Variants in GPR176 observed in about 807,000 individuals in gnomAD.
GPR176 encodes G protein-coupled receptor 176, also known as G-protein coupled receptor 176.
In GPR176, 26 loss-of-function variants were observed where a neutral mutation model predicts 35.4. The ratio of observed to expected loss-of-function variants is 0.74; its 90% CI spans 0.54 to 1.02. The LOEUF (loss-of-function observed/expected upper bound fraction) is 1.02, where lower values mean the gene tolerates loss of function less well. Ranked by LOEUF, GPR176 falls within the 50% of genes least tolerant of loss-of-function variation. GPR176 has a pLI of 0.00. For missense variants in GPR176, 597 were observed against 665.3 expected (o/e 0.90, Z 1.13); for synonymous variants, 278 against 271.3 (o/e 1.02, Z -0.24).
chr15:39,828,843 G>A (rs533697833), intron 1 of GPR176, among the ~76,000 whole-genome samples: 1 of 152,300 alleles, frequency 6.6e-6, no homozygotes, highest in Non-Finnish European at 1.5e-5. Context: ...TTACAGTACA[G>A]CAAAACTGTC....
chr15:39,870,250 T>G (rs1294227029), intron 1 of GPR176, among the ~76,000 whole-genome samples: 1 of 152,018 alleles, frequency 6.6e-6, no homozygotes, highest in East Asian at 1.9e-4. Context: ...TCCAGGAAAA[T>G]CTCCCATCTC....
At chr15:39,879,759 A>G (rs2032400966) in intron 1 of GPR176, among the ~76,000 whole-genome samples, 1 of 151,644 alleles carries the variant, frequency 6.6e-6, no homozygotes, top group African/African-American at 2.4e-5. Flanking sequence ...TTCCTCACTC[A>G]CTCCCTATTT....
chr15:39,887,620 T>C (rs2140855365), intron 1 of GPR176, among the ~76,000 whole-genome samples: 1 of 148,856 alleles, frequency 6.7e-6, no homozygotes, highest in South Asian at 2.1e-4. Flanking sequence ...AAAAAAAAGC[T>C]TGTCTCCTTT....
intron 1 of GPR176, among the ~76,000 whole-genome samples, chr15:39,833,590 C>T (rs538068757): frequency 2.6e-5 from 4 of 152,184 alleles, no homozygotes; most frequent in South Asian, 2.1e-4. Flanking sequence ...GTAATGGTTA[C>T]ACAACTTTGT....
chr15:39,807,834 C>A (rs750658049), intron 1 of GPR176, among the ~76,000 whole-genome samples: 6 of 152,158 alleles, frequency 3.9e-5, no homozygotes, highest in Non-Finnish European at 8.8e-5. Flanking sequence ...ATGCAATGTG[C>A]ATTTTATTTT....
intron 1 of GPR176, among the ~76,000 whole-genome samples, chr15:39,848,206 C>CA (rs929353794): frequency 7.9e-5 from 12 of 151,846 alleles, no homozygotes; most frequent in African/African-American, 2.7e-4. Flanking sequence ...GACTTCAGAA[C>CA]AAAGAAAATT....
chr15:39,806,326 C>G (rs563013747), intron 2 of GPR176, among the ~76,000 whole-genome samples: 4 of 152,284 alleles, frequency 2.6e-5, no homozygotes, highest in Admixed American at 2.6e-4. Context: ...AAAATATTAT[C>G]TAAACTGTAT....
At chr15:39,836,915 T>G (rs539642475) in intron 1 of GPR176, among the ~76,000 whole-genome samples, 2 of 152,246 alleles carry the variant, frequency 1.3e-5, no homozygotes, top group East Asian at 3.9e-4. Flanking sequence ...TTCAACTACA[T>G]CAATGTGTTC....
intron 1 of GPR176, among the ~76,000 whole-genome samples, chr15:39,897,331 G>A (rs1463198171): frequency 6.6e-6 from 1 of 152,192 alleles, no homozygotes; most frequent in Admixed American, 6.5e-5. Flanking sequence ...AACTGTTCCT[G>A]AAAGCAAGGG....
intron 1 of GPR176, among the ~76,000 whole-genome samples, chr15:39,833,555 A>G (rs1349675738): frequency 6.6e-6 from 1 of 152,184 alleles, no homozygotes; most frequent in Non-Finnish European, 1.5e-5. Context: ...TTCTGGAGTT[A>G]TGAAAACATC....
intron 1 of GPR176, among the ~76,000 whole-genome samples, chr15:39,897,447 T>C (rs771722865): frequency 6.6e-6 from 1 of 152,188 alleles, no homozygotes; most frequent in East Asian, 1.9e-4. Flanking sequence ...AACACACACA[T>C]TAAGGCCACT....
At chr15:39,834,077 C>T (rs1416664255) in intron 1 of GPR176, among the ~76,000 whole-genome samples, 1 of 152,164 alleles carries the variant, frequency 6.6e-6, no homozygotes, top group Non-Finnish European at 1.5e-5. Flanking sequence ...TAAGTGCATT[C>T]TATGTTTCCT....
At chr15:39,851,573 G>C (rs1039344242) in intron 1 of GPR176, among the ~76,000 whole-genome samples, 34 of 152,094 alleles carry the variant, frequency 2.2e-4, no homozygotes, top group African/African-American at 8.0e-4. Context: ...ACATGATGAG[G>C]GTCTGGCGCT....
intron 1 of GPR176, among the ~76,000 whole-genome samples, chr15:39,835,485 A>G (rs1901340949): frequency 1.3e-5 from 2 of 151,916 alleles, no homozygotes; most frequent in Admixed American, 1.3e-4. Context: ...AAAATCCAAG[A>G]GATAGTCCAG....
intron 1 of GPR176, among the ~76,000 whole-genome samples, chr15:39,893,981 G>A (rs1415663632): frequency 1.9e-5 from 2 of 105,724 alleles, no homozygotes; most frequent in African/African-American, 3.8e-5. Context: ...CCTCCCTCCC[G>A]GATGGGGCGG....
At chr15:39,857,116 G>A (rs1266384009) in intron 1 of GPR176, among the ~76,000 whole-genome samples, 1 of 152,178 alleles carries the variant, frequency 6.6e-6, no homozygotes, top group African/African-American at 2.4e-5. Flanking sequence ...AGCAGCATAT[G>A]CAAGTAAGCA....
chr15:39,891,506 A>G (rs2032871473), intron 1 of GPR176, among the ~76,000 whole-genome samples: 1 of 152,142 alleles, frequency 6.6e-6, no homozygotes, highest in Non-Finnish European at 1.5e-5. Flanking sequence ...GGTACACACC[A>G]TACCTGACTT....
At chr15:39,901,074 T>C (rs1467014839) in intron 1 of GPR176, among the ~76,000 whole-genome samples, 1 of 152,186 alleles carries the variant, frequency 6.6e-6, no homozygotes, top group Admixed American at 6.5e-5. Context: ...ACTCCCCTCC[T>C]GCCTTTTTGA....
intron 1 of GPR176, among the ~76,000 whole-genome samples, chr15:39,886,281 AG>A (rs1319786388): frequency 6.6e-6 from 1 of 152,114 alleles, no homozygotes; most frequent in Non-Finnish European, 1.5e-5. Context: ...TTTGCCTACC[AG>A]GAACTGTAAG....
Sources: allele counts gnomAD v4.1 joint callset (sites outside exome capture counted in the v4.1 genomes callset), GRCh38; gene constraint gnomAD v4.1.1; transcripts MANE v1.5; gene names NCBI Gene and HGNC (gene_info 2026-07-23, HGNC 2026-07-21).